Variants in MYO3B observed in about 807,000 individuals in gnomAD.
MYO3B encodes the protein myosin-IIIb.
MYO3B carries 156 observed loss-of-function variants against 174.6 expected under a neutral mutation model. That is an observed-to-expected ratio of 0.89 (90% CI 0.78 to 1.02). The LOEUF (loss-of-function observed/expected upper bound fraction) is 1.02, where lower values mean the gene tolerates loss of function less well. MYO3B is among the 50% of genes least tolerant of loss of function. The pLI is 0.00. For missense variants in MYO3B, 1,632 were observed against 1,639.4 expected, an observed-to-expected ratio of 1.00 and a Z score of 0.08; for synonymous variants, 563 against 569.1, an observed-to-expected ratio of 0.99 and a Z score of 0.15.
At chr2:170,266,793 T>C (rs1279612436) in intron 7 of MYO3B, among the ~76,000 whole-genome samples, 1 of 152,016 alleles carries the variant, frequency 6.6e-6, no homozygotes, top group Non-Finnish European at 1.5e-5. Flanking sequence ...GGCAATAGAG[T>C]GAAACAGTGG....
intron 7 of MYO3B, among the ~76,000 whole-genome samples, chr2:170,327,874 T>TAC (rs59930574): frequency 4.9e-5 from 2 of 40,404 alleles, no homozygotes; most frequent in African/African-American, 9.6e-5. Flanking sequence ...TATATATATA[T>TAC]ACACTATATA....
chr2:170,443,695 T>A (rs1414791977), intron 22 of MYO3B, among the ~76,000 whole-genome samples: 1 of 152,000 alleles, frequency 6.6e-6, no homozygotes, highest in East Asian at 1.9e-4. Context: ...TTATTTCTAA[T>A]TTGTTCAGTG....
At chr2:170,599,790 A>G (rs1044140619) in intron 32 of MYO3B, among the ~76,000 whole-genome samples, 8 of 152,174 alleles carry the variant, frequency 5.3e-5, no homozygotes, top group Non-Finnish European at 7.4e-5. Context: ...GTTCAGCTCA[A>G]TATTTTAGAG....
At chr2:170,609,904 G>C (rs894910050) in intron 32 of MYO3B, among the ~76,000 whole-genome samples, 1 of 152,248 alleles carries the variant, frequency 6.6e-6, no homozygotes, top group African/African-American at 2.4e-5. Context: ...CCCTGGCCAT[G>C]TGTTCAAATT....
intron 16 of MYO3B, among the ~76,000 whole-genome samples, chr2:170,398,742 C>T (rs951460112): frequency 4.6e-5 from 7 of 152,260 alleles, no homozygotes; most frequent in Non-Finnish European, 8.8e-5. Flanking sequence ...ATATAATAGT[C>T]CCTCCGTATA....
chr2:170,216,638 A>G (rs2105370754), intron 5 of MYO3B, among the ~76,000 whole-genome samples: 1 of 152,316 alleles, frequency 6.6e-6, no homozygotes, highest in South Asian at 2.1e-4. Flanking sequence ...CCATTTGACA[A>G]ACACAGCTTT....
intron 9 of MYO3B, among the ~76,000 whole-genome samples, chr2:170,372,987 G>A (rs1307963725): frequency 1.3e-5 from 2 of 152,108 alleles, no homozygotes; most frequent in African/African-American, 4.8e-5. Context: ...CAGGAGCCAC[G>A]TCACCATGGG....
chr2:170,536,660 CAAG>C (rs1286865734), intron 30 of MYO3B, among the ~76,000 whole-genome samples: 1 of 152,080 alleles, frequency 6.6e-6, no homozygotes, highest in East Asian at 1.9e-4. Flanking sequence ...CTTTAGAAAT[CAAG>C]AAGTACAAAT....
At chr2:170,488,159 T>C (rs994761198) in intron 25 of MYO3B, among the ~76,000 whole-genome samples, 2 of 152,216 alleles carry the variant, frequency 1.3e-5, no homozygotes, top group Non-Finnish European at 2.9e-5. Flanking sequence ...GTGGTAAGGA[T>C]GTAAATTAGT....
chr2:170,411,895 A>G (rs2094548231), intron 22 of MYO3B: 1 of 152,252 alleles, frequency 6.6e-6, no homozygotes, highest in East Asian at 1.9e-4. Context: ...ACCTTGTGGT[A>G]AAAGGAGGCA....
intron 25 of MYO3B, among the ~76,000 whole-genome samples, chr2:170,483,632 T>C (rs11890298): frequency 0.53 from 70,455 of 133,244 alleles, 19,688 homozygotes; most frequent in East Asian, 0.64. Context: ...GTGATCCGCC[T>C]GCCTCGGCCT....
intron 28 of MYO3B, among the ~76,000 whole-genome samples, chr2:170,508,224 A>G (rs1424736907): frequency 6.6e-6 from 1 of 152,216 alleles, no homozygotes; most frequent in Admixed American, 6.5e-5. Context: ...TTAGCATTCC[A>G]GAGTCTAGCT....
intron 12 of MYO3B, chr2:170,385,729 A>G (rs923658791): frequency 2.0e-5 from 3 of 152,524 alleles, no homozygotes; most frequent in African/African-American, 7.2e-5. Flanking sequence ...ATTGTCAACA[A>G]TCTAACATTC....
intron 32 of MYO3B, among the ~76,000 whole-genome samples, chr2:170,605,045 A>G (rs1436174716): frequency 6.6e-6 from 1 of 152,172 alleles, no homozygotes; most frequent in Non-Finnish European, 1.5e-5. Flanking sequence ...ATTTCCCACT[A>G]GAGAACCCCT....
At chr2:170,410,304 G>A (rs1471896259) in intron 22 of MYO3B, among the ~76,000 whole-genome samples, 11 of 152,102 alleles carry the variant, frequency 7.2e-5, no homozygotes, top group African/African-American at 1.9e-4. Context: ...GGTGGCTCAC[G>A]CCTGTAATCC....
At chr2:170,643,299 G>GGGAAGAGACAGAGAGCC (rs2105452618) in intron 32 of MYO3B, among the ~76,000 whole-genome samples, 2 of 152,308 alleles carry the variant, frequency 1.3e-5, no homozygotes, top group Non-Finnish European at 2.9e-5. Context: ...AAATGGTTAG[G>GGGAAGAGACAGAGAGCC]GGAAGAGACA....
intron 9 of MYO3B, among the ~76,000 whole-genome samples, chr2:170,379,179 T>C (rs2094316069): frequency 1.4e-5 from 2 of 146,780 alleles, no homozygotes; most frequent in African/African-American, 5.0e-5. Context: ...AATTATTTCA[T>C]GAAAATGTGG....
intron 7 of MYO3B, among the ~76,000 whole-genome samples, chr2:170,265,224 TC>T (rs1320112802): frequency 1.3e-5 from 2 of 152,180 alleles, no homozygotes; most frequent in Non-Finnish European, 2.9e-5. Flanking sequence ...AATATGTAGC[TC>T]CTCTAGATTT....
At chr2:170,212,004 G>A (rs1229486728) in intron 3 of MYO3B, among the ~76,000 whole-genome samples, 1 of 151,556 alleles carries the variant, frequency 6.6e-6, no homozygotes, top group Non-Finnish European at 1.5e-5. Flanking sequence ...AGCACCTTGG[G>A]AGGCCGAGGC....
Sources: allele counts gnomAD v4.1 joint callset (sites outside exome capture counted in the v4.1 genomes callset), GRCh38; gene constraint gnomAD v4.1.1; transcripts MANE v1.5; gene names NCBI Gene and HGNC (gene_info 2026-07-23, HGNC 2026-07-21).